Variants in SGCD observed in about 807,000 individuals in gnomAD.
The protein encoded by SGCD is sarcoglycan delta, also known as delta-sarcoglycan.
In SGCD, 18 loss-of-function variants were observed where a neutral mutation model predicts 36.6. The ratio of observed to expected loss-of-function variants is 0.49; its 90% CI spans 0.34 to 0.73. The LOEUF is 0.73. Among genes scored for constraint, SGCD ranks in the 30% least tolerant of loss-of-function variants. The pLI is 0.01. For synonymous variants in SGCD, 133 were observed against 130.6 expected, an observed-to-expected ratio of 1.02 and a Z score of -0.12; for missense variants, 387 against 346.7, an observed-to-expected ratio of 1.12 and a Z score of -0.92.
At chr5:156,430,554 A>G (rs1773892608) in intron 3 of SGCD, among the ~76,000 whole-genome samples, 1 of 152,084 alleles carries the variant, frequency 6.6e-6, no homozygotes, top group South Asian at 2.1e-4. Context: ...GGGGTACCAT[A>G]GATCCCTGTT....
chr5:156,209,894 T>C lies in SGCD; in HGVS notation c.-44+85875T>C, dbSNP rs550037221. ...AAGACCCAGACCTGCCCCCACAAAT[T>C]TGGGCCTCAGTGCCACTATTGGGCA... On this transcript the variant is annotated intron_variant, in intron 3 of 9. Transcript: ENST00000517913. 2.2e-4 allele frequency among the ~76,000 whole-genome samples: 34 copies of C among 152,126 alleles called. 2 individuals carry two copies. The highest frequency in any genetic ancestry group is 1.5e-3 in the South Asian group (7 of 4,814).
the SGCD span, among the ~76,000 whole-genome samples, chr5:155,761,620 T>C: frequency 3.0e-4 from 38 of 125,442 alleles, no homozygotes; most frequent in African/African-American, 1.3e-3. Context: ...ATCATCCTCA[T>C]CATCACTCTC....
At chr5:156,115,017 A>G (rs546151339) in intron 1 of SGCD, among the ~76,000 whole-genome samples, 1 of 152,148 alleles carries the variant, frequency 6.6e-6, no homozygotes, top group Non-Finnish European at 1.5e-5. Context: ...GGAAAATTAT[A>G]TGGTGAATAC....
the SGCD span, among the ~76,000 whole-genome samples, chr5:155,834,952 C>T: frequency 0.091 from 13,498 of 148,036 alleles, 790 homozygotes; most frequent in South Asian, 0.2. Context: ...TCTCCTGCCT[C>T]GGCCTCCTGA....
intron 1 of SGCD, among the ~76,000 whole-genome samples, chr5:155,958,162 G>C (rs546051430): frequency 3.3e-5 from 5 of 152,162 alleles, no homozygotes; most frequent in Admixed American, 3.3e-4. Flanking sequence ...TTGCTGTGAG[G>C]GTTGCTATGG....
intron 3 of SGCD, among the ~76,000 whole-genome samples, chr5:156,143,130 C>T (rs1042561539): frequency 2.6e-5 from 4 of 152,254 alleles, no homozygotes; most frequent in African/African-American, 4.8e-5. Context: ...CCAGATCCTC[C>T]TACTCCAGCC....
At chr5:156,447,601 A>T (rs919365629) in intron 3 of SGCD, among the ~76,000 whole-genome samples, 1 of 152,186 alleles carries the variant, frequency 6.6e-6, no homozygotes, top group Non-Finnish European at 1.5e-5. Context: ...GAGCCGAACA[A>T]CAAGAACACA....
chr5:156,161,393 A>G (rs1267391903), intron 3 of SGCD, among the ~76,000 whole-genome samples: 1 of 151,826 alleles, frequency 6.6e-6, no homozygotes, highest in East Asian at 1.9e-4. Flanking sequence ...ACACCTTGAT[A>G]ATAGTAATCA....
At chr5:156,215,581 G>C (rs927443984) in intron 3 of SGCD, among the ~76,000 whole-genome samples, 1 of 152,088 alleles carries the variant, frequency 6.6e-6, no homozygotes, top group African/African-American at 2.4e-5. Context: ...ATGAAAAAAT[G>C]CTCAACCTCA....
chr5:155,827,672 CTTTTT>C, the SGCD span, among the ~76,000 whole-genome samples: 2 of 64,448 alleles, frequency 3.1e-5, no homozygotes, highest in Non-Finnish European at 5.5e-5. Context: ...CTAAATAATT[CTTTTT>C]TTTTTTTTTT....
In SGCD at chr5:155,880,337, TAA is replaced by T. The variant is rs56921271; in HGVS notation, c.-282+9917_-282+9918del. ...TGATACCACTGCTTTAAAAAATGTT[TAA>T]AAATATTATTCTCAAAATTAGAATT... On this transcript the variant is annotated intron_variant, in intron 1 of 9. Coordinates refer to the SGCD transcript ENST00000517913. Among the ~76,000 whole-genome samples, 489 of 152,304 alleles carry T rather than the reference TAA, an allele frequency of 3.2e-3. 26 individuals are homozygous for T. In the East Asian group the frequency reaches 0.086, roughly 27 times the overall value.
intron 1 of SGCD, among the ~76,000 whole-genome samples, chr5:156,076,965 A>G (rs1359093086): frequency 6.6e-6 from 1 of 152,134 alleles, no homozygotes. Flanking sequence ...CTTTATATAC[A>G]ATGTTTGTTT....
At chr5:156,092,215 C>T (rs1027191659) in intron 1 of SGCD, among the ~76,000 whole-genome samples, 1 of 152,202 alleles carries the variant, frequency 6.6e-6, no homozygotes, top group Non-Finnish European at 1.5e-5. Context: ...ATTTCTGAGT[C>T]CTTGCAAATA....
intron 1 of SGCD, among the ~76,000 whole-genome samples, chr5:156,093,627 T>C (rs1343285784): frequency 1.3e-5 from 2 of 152,208 alleles, no homozygotes; most frequent in Non-Finnish European, 2.9e-5. Flanking sequence ...GTCCCCAGTT[T>C]GATTGGGATC....
chr5:155,803,133 A>T, the SGCD span, among the ~76,000 whole-genome samples: 1 of 152,228 alleles, frequency 6.6e-6, no homozygotes. Context: ...AGATAGGAAA[A>T]ACCATCATCT....
intron 3 of SGCD, among the ~76,000 whole-genome samples, chr5:156,273,676 C>T (rs1000034200): frequency 2.0e-5 from 3 of 152,078 alleles, no homozygotes; most frequent in African/African-American, 7.2e-5. Flanking sequence ...ATTTGCTATG[C>T]GGGACACTTT....
intron 3 of SGCD, among the ~76,000 whole-genome samples, chr5:156,247,876 GC>G (rs1765478556): frequency 6.6e-6 from 1 of 152,148 alleles, no homozygotes; most frequent in Non-Finnish European, 1.5e-5. Context: ...TGGGGACCCA[GC>G]CCCTGCTTCG....
At chr5:156,639,740 C>T (rs1445237143) in intron 6 of SGCD, among the ~76,000 whole-genome samples, 4 of 152,112 alleles carry the variant, frequency 2.6e-5, no homozygotes, top group East Asian at 1.9e-4. Flanking sequence ...CACTGTTTAA[C>T]ACAGATAAAC....
At chr5:156,338,045 C>G (rs1768450145) in intron 2 of SGCD, among the ~76,000 whole-genome samples, 1 of 152,104 alleles carries the variant, frequency 6.6e-6, no homozygotes, top group African/African-American at 2.4e-5. Flanking sequence ...AATGCCCCTT[C>G]TTTTTCTCAG....
Sources: gnomAD v4.1 joint callset for allele counts (sites outside exome capture counted in the v4.1 genomes callset) on GRCh38, gnomAD v4.1.1 for gene constraint, MANE v1.5 for transcripts, NCBI Gene and HGNC (gene_info 2026-07-23, HGNC 2026-07-21) for gene names.